EFR3A: variants seen among roughly 807,000 people sequenced by gnomAD.
The protein encoded by EFR3A is protein EFR3 homolog A.
A neutral mutation model predicts 104.4 loss-of-function variants in EFR3A; 76 were observed. The observed-to-expected ratio is 0.73, with a 90% CI of 0.60 to 0.88. EFR3A has a LOEUF of 0.88. EFR3A is among the 40% of genes least tolerant of loss of function. The pLI is 0.00. For synonymous variants in EFR3A, 330 were observed against 330.0 expected (o/e 1.00, Z 0.00); for missense variants, 985 against 1,012.5 (o/e 0.97, Z 0.37).
intron 18 of EFR3A, among the ~76,000 whole-genome samples, chr8:131,995,183 C>A (rs1821410853): frequency 6.6e-6 from 1 of 152,156 alleles, no homozygotes; most frequent in Middle Eastern, 3.2e-3. Flanking sequence ...TTGAGAATTA[C>A]CATCTCCATG....
chr8:131,983,816 C>T (rs1055526254), intron 14 of EFR3A, among the ~76,000 whole-genome samples: 1 of 152,134 alleles, frequency 6.6e-6, no homozygotes, highest in Non-Finnish European at 1.5e-5. Flanking sequence ...ATCCATTTCA[C>T]TTTTTTTCTC....
intron 7 of EFR3A, among the ~76,000 whole-genome samples, chr8:131,957,978 C>T (rs1652374189): frequency 6.6e-6 from 1 of 151,860 alleles, no homozygotes; most frequent in Admixed American, 6.6e-5. Context: ...TAGTGGAGAC[C>T]TTAGCTCAAA....
intron 10 of EFR3A, among the ~76,000 whole-genome samples, chr8:131,975,256 A>C (rs1358937454): frequency 1.3e-5 from 2 of 152,182 alleles, no homozygotes; most frequent in East Asian, 3.8e-4. Flanking sequence ...CAAATATTTG[A>C]GAAATCCTGG....
At chr8:131,908,722 G>A (rs1384599683) in intron 1 of EFR3A, among the ~76,000 whole-genome samples, 3 of 152,244 alleles carry the variant, frequency 2.0e-5, no homozygotes, top group Admixed American at 2.0e-4. Flanking sequence ...AGTGCTCTGA[G>A]CCAGGCAGGA....
intron 7 of EFR3A, among the ~76,000 whole-genome samples, chr8:131,958,383 A>G (rs1392233385): frequency 6.6e-6 from 1 of 152,160 alleles, no homozygotes; most frequent in Non-Finnish European, 1.5e-5. Flanking sequence ...TTTGTTCTGT[A>G]AATTCTCTGA....
At chr8:131,969,741 T>A (rs1446452460) in intron 9 of EFR3A, among the ~76,000 whole-genome samples, 2 of 152,164 alleles carry the variant, frequency 1.3e-5, no homozygotes, top group Admixed American at 6.5e-5. Context: ...GTTATTTAAT[T>A]GCAAATAATG....
intron 22 of EFR3A, among the ~76,000 whole-genome samples, chr8:132,007,913 T>C (rs1363189758): frequency 2.0e-5 from 3 of 151,856 alleles, no homozygotes; most frequent in Non-Finnish European, 4.4e-5. Flanking sequence ...AATACTAATC[T>C]CAATCCCTAC....
chr8:131,908,056 G>A (rs1816336057), intron 1 of EFR3A, among the ~76,000 whole-genome samples: 1 of 149,744 alleles, frequency 6.7e-6, no homozygotes, highest in South Asian at 2.1e-4. Context: ...CAGAATTTGA[G>A]GTTTTTTTTT....
chr8:131,940,740 T>G (rs1818130646), intron 2 of EFR3A, 165 bp downstream of exon 2: 1 of 1,170,964 alleles, frequency 8.5e-7, no homozygotes, highest in African/African-American at 1.5e-5. Flanking sequence ...AAATGACCCA[T>G]GCTTGCTTGT....
In EFR3A at chr8:131,968,448, A is replaced by C. The variant is rs1819878562; in HGVS notation, c.991+18A>C. ...TTCCATAGGTGAGTGCCAATAAATA[A>C]AATAAAATAGTGCGTTGATCTGGTT... On this transcript the variant is annotated intron_variant, in intron 9 of 22. Coordinates refer to ENST00000254624, the MANE Select transcript of EFR3A (RefSeq NM_015137.6). The C allele has an allele frequency of 1.9e-6, 3 of 1,612,502 alleles. No homozygotes were observed. In the African/African-American group the frequency reaches 4.0e-5, roughly 22 times the overall value.
chr8:131,929,762 G>C (rs1248382596), intron 1 of EFR3A, among the ~76,000 whole-genome samples: 1 of 151,928 alleles, frequency 6.6e-6, no homozygotes, highest in African/African-American at 2.4e-5. Context: ...TTTGTTTTTT[G>C]GTTTTCAGAG....
chr8:131,948,251 G>A (rs573585050), intron 4 of EFR3A, among the ~76,000 whole-genome samples: 1 of 152,224 alleles, frequency 6.6e-6, no homozygotes, highest in East Asian at 1.9e-4. Context: ...AACTACGCCT[G>A]TACCGCTTTC....
At chr8:132,001,879 G>GA (rs1821797911) in intron 20 of EFR3A, 72 bp downstream of exon 20, 22 of 1,285,678 alleles carry the variant, frequency 1.7e-5, no homozygotes, top group Non-Finnish European at 2.3e-5. Context: ...TTCGATGACA[G>GA]AATACGTAGA....
intron 4 of EFR3A, among the ~76,000 whole-genome samples, chr8:131,948,329 G>A (rs1030875570): frequency 2.6e-5 from 4 of 152,098 alleles, no homozygotes; most frequent in African/African-American, 9.7e-5. Flanking sequence ...GAAATGAGGA[G>A]AATGAGAATA....
At chr8:131,933,060 TA>T (rs1173815121) in intron 1 of EFR3A, among the ~76,000 whole-genome samples, 3 of 152,116 alleles carry the variant, frequency 2.0e-5, no homozygotes, top group African/African-American at 7.2e-5. Context: ...TACATCTTTT[TA>T]AAAAAACAGT....
At chr8:131,933,240 G>T (rs571481492) in intron 1 of EFR3A, among the ~76,000 whole-genome samples, 1 of 152,134 alleles carries the variant, frequency 6.6e-6, no homozygotes, top group Non-Finnish European at 1.5e-5. Flanking sequence ...GGGCGGTATA[G>T]TCTTCTTGCC....
intron 5 of EFR3A, among the ~76,000 whole-genome samples, chr8:131,952,927 C>T (rs1325748528): frequency 6.6e-6 from 1 of 152,116 alleles, no homozygotes. Context: ...GAATAAACAA[C>T]TAATTGGTGA....
rs148814608 is a variant in EFR3A, at chr8:131,969,428, A to G, written c.991+998A>G. 2.5e-3 allele frequency among the ~76,000 whole-genome samples: 384 copies of G among 152,150 alleles called. 1 individual carries two copies. The highest frequency in any genetic ancestry group is 8.7e-3 in the African/African-American group (362 of 41,520). ...ATATAACCTTTGCACACCCTCCAAT[A>G]TACTTCACATCATCTTTAGATTATT... On this transcript the variant is annotated intron_variant, in intron 9 of 22. Transcript: ENST00000254624.
chr8:131,976,174 CT>C, intron 11 of EFR3A, 33 bp downstream of exon 11: 1 of 1,324,436 alleles, frequency 7.6e-7, no homozygotes, highest in Non-Finnish European at 1.1e-6. Flanking sequence ...TGAACTTAAT[CT>C]TGAGTTACAT....
Sources: gnomAD v4.1 joint callset for allele counts (sites outside exome capture counted in the v4.1 genomes callset) on GRCh38, gnomAD v4.1.1 for gene constraint, MANE v1.5 for transcripts, NCBI Gene and HGNC (gene_info 2026-07-23, HGNC 2026-07-21) for gene names.